The following ATP10B variants were observed in gnomAD, a reference collection of about 807,000 sequenced individuals.
The protein encoded by ATP10B is ATPase phospholipid transporting 10B (putative), also known as phospholipid-transporting ATPase VB.
In ATP10B, 122 loss-of-function variants were observed where a neutral mutation model predicts 141.2. The ratio of observed to expected loss-of-function variants is 0.86; its 90% CI spans 0.75 to 1.00. The LOEUF (loss-of-function observed/expected upper bound fraction) is 1.00. Among genes scored for constraint, ATP10B ranks in the 50% least tolerant of loss-of-function variants. The pLI is 0.00. For synonymous variants in ATP10B, 685 were observed against 692.0 expected (o/e 0.99, Z 0.16); for missense variants, 1,876 against 1,825.3 (o/e 1.03, Z -0.51).
At chr5:160,737,469 G>C (rs569037719) in intron 2 of ATP10B, among the ~76,000 whole-genome samples, 5 of 152,172 alleles carry the variant, frequency 3.3e-5, no homozygotes, top group African/African-American at 1.2e-4. Flanking sequence ...AAATTACTTT[G>C]TTTGAAGATA....
At chr5:160,593,680 G>C (rs1222203920) in intron 22 of ATP10B, among the ~76,000 whole-genome samples, 1 of 152,218 alleles carries the variant, frequency 6.6e-6, no homozygotes, top group African/African-American at 2.4e-5. Context: ...TTAGATGAAT[G>C]TAGAACTAGA....
intron 7 of ATP10B, among the ~76,000 whole-genome samples, chr5:160,649,513 G>T (rs1760548787): frequency 6.6e-6 from 1 of 152,186 alleles, no homozygotes; most frequent in Admixed American, 6.5e-5. Flanking sequence ...GCCTGGGTGT[G>T]GGGCTGTAGC....
At chr5:160,631,386 T>C (rs1221698281) in intron 13 of ATP10B, among the ~76,000 whole-genome samples, 2 of 152,214 alleles carry the variant, frequency 1.3e-5, no homozygotes, top group African/African-American at 2.4e-5. Flanking sequence ...GCTACCTGGA[T>C]GTTTGCTGAT....
intron 17 of ATP10B, chr5:160,614,512 C>T (rs1757895268): frequency 6.6e-6 from 1 of 152,244 alleles, no homozygotes; most frequent in South Asian, 2.1e-4. Flanking sequence ...CATCATCTGG[C>T]AGATAGAGTT....
intron 6 of ATP10B, among the ~76,000 whole-genome samples, 178 bp from the exon 7 acceptor site, chr5:160,670,845 G>A (rs1422088061): frequency 6.6e-6 from 1 of 152,020 alleles, no homozygotes; most frequent in African/African-American, 2.4e-5. Flanking sequence ...AGAATAGCTA[G>A]GCATAATCTA....
At chr5:160,608,580 C>T (rs1757534826) in intron 18 of ATP10B, among the ~76,000 whole-genome samples, 1 of 152,202 alleles carries the variant, frequency 6.6e-6, no homozygotes, top group Admixed American at 6.5e-5. Flanking sequence ...TCCACATCCT[C>T]TCTAGCACCT....
At chr5:160,736,952 C>T (rs533537922) in intron 2 of ATP10B, among the ~76,000 whole-genome samples, 6 of 152,180 alleles carry the variant, frequency 3.9e-5, no homozygotes, top group South Asian at 2.1e-4. Flanking sequence ...AAAGACATAT[C>T]GAAAGAAGAA....
chr5:160,914,330 GAACC>G, the ATP10B span, among the ~76,000 whole-genome samples: 2 of 152,116 alleles, frequency 1.3e-5, no homozygotes, highest in African/African-American at 4.8e-5. Context: ...TTATAAACAT[GAACC>G]AACTATAGTC....
chr5:160,808,854 T>C (rs1236676738), intron 1 of ATP10B, among the ~76,000 whole-genome samples: 2 of 152,236 alleles, frequency 1.3e-5, no homozygotes, highest in Non-Finnish European at 2.9e-5. Context: ...GTCTCAGTTC[T>C]GGAGGCTCGA....
the ATP10B span, among the ~76,000 whole-genome samples, chr5:160,857,356 C>A: frequency 6.6e-6 from 1 of 150,822 alleles, no homozygotes; most frequent in Non-Finnish European, 1.5e-5. Context: ...TCTTATTATC[C>A]CTTGATTCTG....
the ATP10B span, among the ~76,000 whole-genome samples, chr5:160,857,753 T>C: frequency 6.6e-6 from 1 of 151,922 alleles, no homozygotes; most frequent in Non-Finnish European, 1.5e-5. Context: ...TGAGATTTGC[T>C]GTTTTATTCA....
the ATP10B span, among the ~76,000 whole-genome samples, chr5:160,876,809 C>A: frequency 6.6e-6 from 1 of 150,564 alleles, no homozygotes; most frequent in African/African-American, 2.4e-5. Context: ...TTCCTGGACA[C>A]ATACACTCTC....
In ATP10B at chr5:160,589,573, G is replaced by C; in HGVS notation, c.3750+19C>G. On this transcript the variant is annotated intron_variant, in intron 24 of 25. Coordinates refer to ENST00000327245, the MANE Select transcript of ATP10B (RefSeq NM_025153.3). ...GCAGGAGCACAGTTTTGAAGCCAAA[G>C]GGGCTCTGGGACACTTACCCATGTC... 6.3e-7 allele frequency: 1 copy of C among 1,594,448 alleles called. No homozygotes were observed. Among genetic ancestry groups the C allele is most frequent in the Non-Finnish European group, 8.6e-7 (1 of 1,162,848 alleles).
At chr5:160,799,275 C>A (rs973779664) in intron 1 of ATP10B, among the ~76,000 whole-genome samples, 1 of 152,182 alleles carries the variant, frequency 6.6e-6, no homozygotes, top group Non-Finnish European at 1.5e-5. Context: ...GCAGGGACAA[C>A]GTGGCACACT....
chr5:160,818,933 G>T (rs181306734), intron 1 of ATP10B, among the ~76,000 whole-genome samples: 1 of 152,224 alleles, frequency 6.6e-6, no homozygotes, highest in Admixed American at 6.5e-5. Flanking sequence ...CTCACTCATA[G>T]GTGGGAATTG....
At position 160,823,001 on chromosome 5, in the gene ATP10B, C is replaced by CATATAT. The variant is rs60078265; in HGVS notation, c.-576+28934_-576+28939dup. Among the ~76,000 whole-genome samples the CATATAT allele has an allele frequency of 8.7e-3, 300 of 34,418 alleles. 5 individuals are homozygous for CATATAT. Among genetic ancestry groups the CATATAT allele is most frequent in the African/African-American group, 0.024 (255 of 10,682 alleles). 22.6% of individuals were successfully genotyped at this position (34,418 alleles called of 152,430 possible). On this transcript the variant is annotated intron_variant, in intron 1 of 25. Coordinates refer to ENST00000327245, the MANE Select transcript of ATP10B (RefSeq NM_025153.3). ...AAAATTACATATACATATATATATACATATATATATATATATATATATATA... is the reference window on the plus strand; with the variant it reads ...AAAATTACATATACATATATATATACATATATATATATATATATATATATATATATA...
the ATP10B span, among the ~76,000 whole-genome samples, chr5:160,880,164 A>C: frequency 1.4e-5 from 2 of 147,400 alleles, no homozygotes; most frequent in Admixed American, 6.8e-5. Flanking sequence ...ATAAAATATA[A>C]ATAAAAATAT....
chr5:160,805,610 C>A (rs1405052696), intron 1 of ATP10B, among the ~76,000 whole-genome samples: 2 of 151,992 alleles, frequency 1.3e-5, no homozygotes, highest in Non-Finnish European at 2.9e-5. Context: ...GAGCCAGAAA[C>A]CTGTCTCGCC....
rs766146790 is a variant in ATP10B at position 160,565,702 on chromosome 5, G to A, written c.4137C>T (p.Ala1379=). 6 of 1,613,940 alleles carry A rather than the reference G, an allele frequency of 3.7e-6. No homozygotes were observed. The highest frequency in any genetic ancestry group is 3.3e-5 in the Admixed American group (2 of 60,004). Reference sequence around the variant, plus strand: ...GAGGGTTAGAGCTCTTTGGGGTGCTGGCACTGAAGTCCTGTCCTGTGATAG... The same window carrying A: ...GAGGGTTAGAGCTCTTTGGGGTGCTAGCACTGAAGTCCTGTCCTGTGATAG... ...VSSITGQDFS[A]STPKSSNPPK... Residue 1379 remains alanine (A), a synonymous_variant, in exon 26 of 26, where the codon GCC becomes GCT. Transcript: ENST00000327245.
Sources: gnomAD v4.1 joint callset for allele counts (sites outside exome capture counted in the v4.1 genomes callset) on GRCh38, gnomAD v4.1.1 for gene constraint, MANE v1.5 for transcripts, NCBI Gene and HGNC (gene_info 2026-07-23, HGNC 2026-07-21) for gene names.